OVCH1: variants seen among roughly 807,000 people sequenced by gnomAD.
OVCH1 encodes ovochymase 1, also known as ovochymase-1.
A neutral mutation model predicts 138.4 loss-of-function variants in OVCH1; 139 were observed. The ratio of observed to expected loss-of-function variants is 1.00; its 90% CI spans 0.87 to 1.16. The LOEUF (loss-of-function observed/expected upper bound fraction) is 1.16. Among genes scored for constraint, OVCH1 ranks in the 50% most tolerant of loss-of-function variants. OVCH1 has a pLI of 0.00. For missense variants in OVCH1, 1,367 were observed against 1,357.9 expected, an observed-to-expected ratio of 1.01 and a Z score of -0.11; for synonymous variants, 453 against 467.8, an observed-to-expected ratio of 0.97 and a Z score of 0.41.
chr12:29,444,041 A>G (rs1941552682), intron 24 of OVCH1, 104 bp downstream of exon 24: 1 of 1,306,896 alleles, frequency 7.7e-7, no homozygotes. Context: ...TTCTTTTTGG[A>G]AAAAAGGTGA....
intron 3 of OVCH1, among the ~76,000 whole-genome samples, chr12:29,413,782 C>G (rs2135873033): frequency 6.6e-6 from 1 of 152,208 alleles, no homozygotes; most frequent in South Asian, 2.1e-4. Flanking sequence ...TCATTTATTT[C>G]AATGATTTGT....
chr12:29,467,183 C>T (rs1942351079), intron 16 of OVCH1, among the ~76,000 whole-genome samples: 1 of 152,106 alleles, frequency 6.6e-6, no homozygotes, highest in Non-Finnish European at 1.5e-5. Context: ...TTTTCAAAGT[C>T]ACCCTCTAAA....
chr12:29,417,696 C>T (rs1231148437), intron 3 of OVCH1, among the ~76,000 whole-genome samples: 1 of 151,906 alleles, frequency 6.6e-6, no homozygotes, highest in Non-Finnish European at 1.5e-5. Flanking sequence ...GGGGTAAATG[C>T]TGATGCCAAC....
the OVCH1 span, among the ~76,000 whole-genome samples, chr12:29,402,758 G>A: frequency 6.6e-6 from 1 of 151,944 alleles, no homozygotes; most frequent in Non-Finnish European, 1.5e-5. Context: ...GAAGTTGAAA[G>A]AGTGTAAGAA....
chr12:29,460,365 G>GTCTATTGTACACATT (rs1942089002), intron 19 of OVCH1, among the ~76,000 whole-genome samples: 2 of 152,198 alleles, frequency 1.3e-5, no homozygotes, highest in Admixed American at 6.5e-5. Context: ...CTGAGGGGAA[G>GTCTATTGTACACATT]AATGAACACA....
rs775198791 is a variant in OVCH1, at chr12:29,464,705, G to A, written c.1930-3C>T. 1.9e-6 allele frequency: 3 copies of A among 1,601,536 alleles called. No homozygotes were observed. Among genetic ancestry groups the A allele is most frequent in the African/African-American group, 2.7e-5 (2 of 74,196 alleles). On this transcript the variant is annotated splice_polypyrimidine_tract_variant and splice_region_variant and intron_variant, in intron 17 of 27. Coordinates refer to ENST00000318184, the Ensembl canonical transcript of OVCH1. ...ATTATGTGTTTGGCCCTTCTCACCT[G>A]TATCGGTGGCAAGTAAGCAAATTAC...
At chr12:29,468,818 T>G in intron 16 of OVCH1, among the ~76,000 whole-genome samples, 1 of 152,172 alleles carries the variant, frequency 6.6e-6, no homozygotes, top group East Asian at 1.9e-4. Context: ...TACCTATATT[T>G]TCTAGCTCTG....
At chr12:29,424,294 C>T (rs148130126), downstream of OVCH1, among the ~76,000 whole-genome samples, 3 of 152,156 alleles carry the variant, frequency 2.0e-5, no homozygotes, top group Non-Finnish European at 2.9e-5. Context: ...GGTTTAAGAA[C>T]GCCTTTAAGC....
intron 26 of OVCH1, among the ~76,000 whole-genome samples, chr12:29,435,649 C>G (rs1479824964): frequency 6.6e-6 from 1 of 152,152 alleles, no homozygotes; most frequent in Non-Finnish European, 1.5e-5. Flanking sequence ...CTACCGCACC[C>G]GGAGGCCCCG....
At position 29,464,804 on chromosome 12, in the gene OVCH1, A is replaced by G. The variant is rs978350374; in HGVS notation, c.1930-102T>C. On this transcript the variant is annotated intron_variant, in intron 17 of 27. Transcript: ENST00000318184. The stretch of plus-strand genomic sequence containing the variant: ...AATAATCCTAAATTTCTGCACTTAC[A>G]TACATAAACAATGCAGAAGACTTTC... 8.6e-5 allele frequency: 84 copies of G among 979,360 alleles called. 1 individual carries two copies. The highest frequency in any genetic ancestry group is 1.1e-4 in the Non-Finnish European group (71 of 650,614). The allele number at this position is 979,360 out of a possible 1,614,324, so 60.7% of individuals were successfully genotyped here. A position where few individuals can be genotyped will look rare whatever the true frequency, so the allele number is the denominator to read the frequency against.
intron 3 of OVCH1, among the ~76,000 whole-genome samples, chr12:29,417,460 C>CAAAAAAA (rs759067203): frequency 1.6e-5 from 1 of 60,738 alleles, no homozygotes; most frequent in Non-Finnish European, 2.8e-5. Context: ...CACTCCGTCT[C>CAAAAAAA]AAAAAAAAAA....
intron 14 of OVCH1, among the ~76,000 whole-genome samples, chr12:29,474,060 A>AACACACACACACATACACACAC (rs1942610956): frequency 8.7e-6 from 1 of 115,232 alleles, no homozygotes; most frequent in East Asian, 2.3e-4. Flanking sequence ...ATACTTAATA[A>AACACACACACACATACACACAC]ACACACACAC....
chr12:29,439,078 G>A (rs1383256863), intron 26 of OVCH1, among the ~76,000 whole-genome samples: 5 of 152,092 alleles, frequency 3.3e-5, no homozygotes, highest in Middle Eastern at 3.2e-3. Context: ...GACAAATCTC[G>A]ACTCTTATCA....
At chr12:29,475,958 G>T (rs1041016566) in intron 13 of OVCH1, among the ~76,000 whole-genome samples, 2 of 152,140 alleles carry the variant, frequency 1.3e-5, no homozygotes, top group Non-Finnish European at 2.9e-5. Flanking sequence ...TTTCTCTGGC[G>T]ACTGCCTTTT....
At chr12:29,435,700 C>T (rs1455305879) in intron 26 of OVCH1, among the ~76,000 whole-genome samples, 1 of 152,070 alleles carries the variant, frequency 6.6e-6, no homozygotes, top group African/African-American at 2.4e-5. Flanking sequence ...TTCCTTCAAC[C>T]TCCCACTACC....
At chr12:29,445,351 C>A (rs528717043) in exon 23 of OVCH1, 2 of 1,611,010 alleles carry the variant, frequency 1.2e-6, no homozygotes, top group Non-Finnish European at 1.7e-6. Flanking sequence ...CCCTCACCAG[C>A]GGTCCAGGAC....
At chr12:29,430,298 C>A (rs932813258) in intron 27 of OVCH1, among the ~76,000 whole-genome samples, 1 of 152,192 alleles carries the variant, frequency 6.6e-6, no homozygotes, top group Non-Finnish European at 1.5e-5. Flanking sequence ...GGCCCCCTGC[C>A]AGGAGGTGGC....
chr12:29,492,329 A>T (rs1458296502), intron 4 of OVCH1, among the ~76,000 whole-genome samples: 20 of 24,866 alleles, frequency 8.0e-4, no homozygotes, highest in Middle Eastern at 0.031. Context: ...TTAGTTTCAT[A>T]AAAAAAAAAA....
intron 19 of OVCH1, among the ~76,000 whole-genome samples, chr12:29,458,829 A>T (rs1942036732): frequency 6.6e-6 from 1 of 152,198 alleles, no homozygotes; most frequent in African/African-American, 2.4e-5. Context: ...TGGACAAAAG[A>T]TCTGAATAGA....
Sources: gnomAD v4.1 joint callset for allele counts (sites outside exome capture counted in the v4.1 genomes callset) on GRCh38, gnomAD v4.1.1 for gene constraint, MANE v1.5 for transcripts, NCBI Gene and HGNC (gene_info 2026-07-23, HGNC 2026-07-21) for gene names.